C13orf46: variants seen among roughly 807,000 people sequenced by gnomAD.
C13orf46 encodes the protein chromosome 13 open reading frame 46.
chr13:113,945,606 A>AGAGAGAGAGAGAGAG, the C13orf46 span, among the ~76,000 whole-genome samples: 6 of 33,578 alleles, frequency 1.8e-4, no homozygotes, highest in African/African-American at 5.9e-4. Flanking sequence ...AGAAAGAAAG[A>AGAGAGAGAGAGAGAG]AGAAAGAAAG....
chr13:113,962,482 T>C (rs1372437450), intron 6 of C13orf46, among the ~76,000 whole-genome samples: 1 of 152,216 alleles, frequency 6.6e-6, no homozygotes, highest in African/African-American at 2.4e-5. Context: ...CTGATGCCCA[T>C]TCATTACAGC....
At chr13:113,959,262 A>C (rs2052568442) in intron 6 of C13orf46, among the ~76,000 whole-genome samples, 1 of 152,190 alleles carries the variant, frequency 6.6e-6, no homozygotes, top group African/African-American at 2.4e-5. Context: ...ACAGAGTGAG[A>C]TCTGCCTCAA....
At chr13:113,934,331 T>C in the C13orf46 span, among the ~76,000 whole-genome samples, 1 of 152,226 alleles carries the variant, frequency 6.6e-6, no homozygotes, top group Non-Finnish European at 1.5e-5. Context: ...TTCTCTGCGA[T>C]AAATGCCCAG....
chr13:113,933,453 G>GT, the C13orf46 span, among the ~76,000 whole-genome samples: 1 of 152,102 alleles, frequency 6.6e-6, no homozygotes, highest in Non-Finnish European at 1.5e-5. Context: ...CTTCAACTCT[G>GT]TTCTTTTTTA....
intron 6 of C13orf46, among the ~76,000 whole-genome samples, chr13:113,958,848 G>T (rs989292617): frequency 6.6e-6 from 1 of 152,230 alleles, no homozygotes; most frequent in African/African-American, 2.4e-5. Context: ...CTGCACAGCT[G>T]CACGTGGTGG....
chr13:113,952,779 G>T (rs1450772870), downstream of C13orf46, among the ~76,000 whole-genome samples: 1 of 152,220 alleles, frequency 6.6e-6, no homozygotes, highest in Non-Finnish European at 1.5e-5. Context: ...GGGGGTTCCT[G>T]CCCTGGGCCC....
At chr13:113,940,505 G>A in the C13orf46 span, among the ~76,000 whole-genome samples, 9 of 129,042 alleles carry the variant, frequency 7.0e-5, no homozygotes, top group Middle Eastern at 4.3e-3. Flanking sequence ...CCTGGTCTCT[G>A]GGACTCCATG....
the C13orf46 span, among the ~76,000 whole-genome samples, chr13:113,945,609 A>G: frequency 0.04 from 2,426 of 60,550 alleles, 18 homozygotes; most frequent in Middle Eastern, 0.11. Flanking sequence ...AAGAAAGAAG[A>G]AAGAAAGAAA....
chr13:113,960,984 G>T (rs1194611599), intron 6 of C13orf46, among the ~76,000 whole-genome samples: 2 of 152,196 alleles, frequency 1.3e-5, no homozygotes, highest in Non-Finnish European at 2.9e-5. Context: ...AGCTTTAAAA[G>T]GGTTATGGTT....
chr13:113,969,507 C>T (rs922447623), intron 2 of C13orf46, among the ~76,000 whole-genome samples: 5 of 152,232 alleles, frequency 3.3e-5, no homozygotes, highest in Non-Finnish European at 5.9e-5. Flanking sequence ...TTGGCCGCTT[C>T]GGCGGCCGGA....
At chr13:113,962,194 G>A (rs1268209099) in intron 6 of C13orf46, among the ~76,000 whole-genome samples, 1 of 152,210 alleles carries the variant, frequency 6.6e-6, no homozygotes, top group Non-Finnish European at 1.5e-5. Flanking sequence ...CTGAGGTCAG[G>A]AGATCGAGAC....
At chr13:113,949,461 G>A (rs2052480881), downstream of C13orf46, among the ~76,000 whole-genome samples, 6 of 152,228 alleles carry the variant, frequency 3.9e-5, no homozygotes, top group Non-Finnish European at 8.8e-5. Flanking sequence ...CAGGTCGTCA[G>A]TGTCAGAAGA....
chr13:113,967,220 C>G (rs1386781515), intron 5 of C13orf46, 121 bp downstream of exon 5: 1 of 152,258 alleles, frequency 6.6e-6, no homozygotes, highest in Non-Finnish European at 1.5e-5. Context: ...GCCTCCCTAT[C>G]CAACACATGG....
intron 2 of C13orf46, among the ~76,000 whole-genome samples, chr13:113,969,222 G>A (rs1594253941): frequency 1.3e-5 from 2 of 152,262 alleles, no homozygotes; most frequent in Admixed American, 1.3e-4. Context: ...GCTATGGTGT[G>A]TGGCCAGGGG....
chr13:113,943,571 T>A, the C13orf46 span, among the ~76,000 whole-genome samples: 1 of 152,222 alleles, frequency 6.6e-6, no homozygotes, highest in African/African-American at 2.4e-5. Flanking sequence ...ACTTCAGGTC[T>A]GTGTGGACGT....
intron 6 of C13orf46, among the ~76,000 whole-genome samples, chr13:113,957,450 G>A (rs2052546889): frequency 5.8e-5 from 6 of 102,788 alleles, no homozygotes; most frequent in South Asian, 3.6e-4. Context: ...CCTGCACTCT[G>A]CCTGCACCCC....
At chr13:113,931,177 C>T in the C13orf46 span, among the ~76,000 whole-genome samples, 2 of 152,246 alleles carry the variant, frequency 1.3e-5, no homozygotes, top group Non-Finnish European at 2.9e-5. Context: ...CCTCCCGGCC[C>T]CCAGAGGTAA....
intron 4 of C13orf46, among the ~76,000 whole-genome samples, chr13:113,968,171 G>A (rs1465157728): frequency 6.6e-6 from 1 of 152,168 alleles, no homozygotes; most frequent in Non-Finnish European, 1.5e-5. Flanking sequence ...TGGGGCTCTG[G>A]GTGTTTTCTG....
At chr13:113,931,471 G>A in the C13orf46 span, among the ~76,000 whole-genome samples, 1 of 152,168 alleles carries the variant, frequency 6.6e-6, no homozygotes, top group Non-Finnish European at 1.5e-5. Flanking sequence ...CCAAGTGGAA[G>A]GGAGTACACC....
Sources: gnomAD v4.1 joint callset for allele counts (sites outside exome capture counted in the v4.1 genomes callset) on GRCh38, gnomAD v4.1.1 for gene constraint, MANE v1.5 for transcripts, NCBI Gene and HGNC (gene_info 2026-07-23, HGNC 2026-07-21) for gene names.